TMEM132C: variants seen among roughly 807,000 people sequenced by gnomAD.
TMEM132C encodes the protein protein phosphatase 1, regulatory subunit 152.
A neutral mutation model predicts 61.4 loss-of-function variants in TMEM132C; 29 were observed. The observed-to-expected ratio is 0.47, with a 90% CI of 0.35 to 0.64. The LOEUF (loss-of-function observed/expected upper bound fraction) is 0.64. TMEM132C is among the 30% of genes least tolerant of loss of function. The pLI is 0.00. For missense variants in TMEM132C, 1,408 were observed against 1,476.9 expected, an observed-to-expected ratio of 0.95 and a Z score of 0.76; for synonymous variants, 656 against 633.1, an observed-to-expected ratio of 1.04 and a Z score of -0.54.
chr12:128,655,061 A>G (rs533254637), intron 4 of TMEM132C, among the ~76,000 whole-genome samples: 55 of 152,172 alleles, frequency 3.6e-4, no homozygotes, highest in Non-Finnish European at 5.4e-4. Context: ...TACTTTCGGC[A>G]TCTCCTCAAG....
chr12:128,382,900 CTG>C (rs1056489115), intron 1 of TMEM132C, among the ~76,000 whole-genome samples: 2 of 151,422 alleles, frequency 1.3e-5, no homozygotes, highest in Admixed American at 1.3e-4. Context: ...ATATATGTAT[CTG>C]TGTATGTGTG....
chr12:128,513,952 A>T (rs1653530179), intron 2 of TMEM132C, among the ~76,000 whole-genome samples: 1 of 152,142 alleles, frequency 6.6e-6, no homozygotes, highest in Admixed American at 6.5e-5. Context: ...AACAAGACAG[A>T]CCGTAGGGAG....
At chr12:128,541,801 C>T (rs1443835264) in intron 2 of TMEM132C, among the ~76,000 whole-genome samples, 1 of 152,126 alleles carries the variant, frequency 6.6e-6, no homozygotes, top group Non-Finnish European at 1.5e-5. Flanking sequence ...ATGCCTGTTG[C>T]ATTTTGGTCT....
At chr12:128,530,299 T>C (rs77398166) in intron 2 of TMEM132C, among the ~76,000 whole-genome samples, 4,595 of 152,268 alleles carry the variant, frequency 0.03, 247 homozygotes, top group African/African-American at 0.1. Context: ...GGTCAGTGTT[T>C]AACATCTTGC....
In TMEM132C at chr12:128,669,434, C is replaced by T. The variant is rs753102735; in HGVS notation, c.1323C>T (p.Asn441=). The T allele has an allele frequency of 1.0e-4, 155 of 1,551,358 alleles. 1 individual carries two copies. The Admixed American group carries it at 2.9e-3, about 29-fold the overall frequency. The change falls in exon 5 of 9, where the codon AAC becomes AAT. Residue 441 remains asparagine, a synonymous_variant. Coordinates refer to ENST00000435159, the MANE Select transcript of TMEM132C (RefSeq NM_001136103.3). The part of the protein sequence containing the change: ...VPLAMDTEIL[N]TAVLTGKTVA... ...TTTGGCAGGACACTGAAATTCTGAA[C>T]ACCGCCGTACTCACAGGAAAGACAG...
intron 1 of TMEM132C, among the ~76,000 whole-genome samples, chr12:128,391,064 A>T (rs930439374): frequency 6.6e-6 from 1 of 152,202 alleles, no homozygotes; most frequent in African/African-American, 2.4e-5. Flanking sequence ...GGCCAGCAAC[A>T]TCAGAACTGC....
chr12:128,572,357 C>T (rs546029378), intron 3 of TMEM132C, among the ~76,000 whole-genome samples: 3 of 148,078 alleles, frequency 2.0e-5, no homozygotes, highest in Non-Finnish European at 4.5e-5. Context: ...CACATGACTA[C>T]TTGTGGCCTC....
chr12:128,294,655 G>T (rs1001857868), intron 1 of TMEM132C, among the ~76,000 whole-genome samples: 1 of 143,010 alleles, frequency 7.0e-6, no homozygotes, highest in Non-Finnish European at 1.6e-5. Context: ...TCACTATCTG[G>T]TGAGAGCCGG....
At chr12:128,271,105 T>A (rs1592991773) in intron 1 of TMEM132C, among the ~76,000 whole-genome samples, 1 of 151,904 alleles carries the variant, frequency 6.6e-6, no homozygotes, top group East Asian at 1.9e-4. Context: ...AATACAAAAA[T>A]TAGCTGGGCG....
At chr12:128,530,589 A>G (rs565234092) in intron 2 of TMEM132C, among the ~76,000 whole-genome samples, 47 of 152,142 alleles carry the variant, frequency 3.1e-4, no homozygotes, top group African/African-American at 1.1e-3. Context: ...GATTACAAGC[A>G]TGTGCCACCA....
intron 1 of TMEM132C, among the ~76,000 whole-genome samples, chr12:128,268,200 C>T (rs545599883): frequency 1.4e-3 from 218 of 152,346 alleles, no homozygotes; most frequent in Non-Finnish European, 2.7e-3. Flanking sequence ...TCCTTCACCT[C>T]AGTGTCCTCT....
chr12:128,438,119 A>G (rs1869661931), intron 2 of TMEM132C: 1 of 152,226 alleles, frequency 6.6e-6, no homozygotes, highest in Admixed American at 6.5e-5. Flanking sequence ...GACAAGGCAC[A>G]GTAATATCAG....
chr12:128,427,287 G>A (rs905513441), intron 2 of TMEM132C, among the ~76,000 whole-genome samples: 1 of 152,058 alleles, frequency 6.6e-6, no homozygotes, highest in African/African-American at 2.4e-5. Flanking sequence ...AGTCTTTCCT[G>A]GAACCACCTT....
intron 1 of TMEM132C, among the ~76,000 whole-genome samples, chr12:128,362,915 T>C (rs989773128): frequency 6.6e-6 from 1 of 152,164 alleles, no homozygotes; most frequent in Non-Finnish European, 1.5e-5. Context: ...AAAGTGAACG[T>C]CTAGTGGGCT....
At chr12:128,348,056 C>G (rs1873227770) in intron 1 of TMEM132C, among the ~76,000 whole-genome samples, 1 of 152,202 alleles carries the variant, frequency 6.6e-6, no homozygotes, top group Non-Finnish European at 1.5e-5. Context: ...CAATATGCAT[C>G]TTCCAGTCCA....
chr12:128,697,793 A>G (rs1470745798), intron 8 of TMEM132C, among the ~76,000 whole-genome samples: 1 of 152,224 alleles, frequency 6.6e-6, no homozygotes, highest in South Asian at 2.1e-4. Flanking sequence ...CCCACACAAC[A>G]TAGCCCCTGG....
At chr12:128,433,162 G>A (rs1869451711) in intron 2 of TMEM132C, among the ~76,000 whole-genome samples, 1 of 151,974 alleles carries the variant, frequency 6.6e-6, no homozygotes, top group African/African-American at 2.4e-5. Flanking sequence ...CCTACAGTAA[G>A]GATAAACATA....
intron 1 of TMEM132C, among the ~76,000 whole-genome samples, chr12:128,378,399 A>G (rs1447268482): frequency 6.6e-6 from 1 of 150,718 alleles, no homozygotes; most frequent in African/African-American, 2.4e-5. Context: ...TACAGGCGTG[A>G]GCCACCACGC....
intron 2 of TMEM132C, among the ~76,000 whole-genome samples, chr12:128,492,811 C>T (rs573238659): frequency 6.6e-6 from 1 of 152,198 alleles, no homozygotes; most frequent in Non-Finnish European, 1.5e-5. Flanking sequence ...TGCCTGTTCA[C>T]TCTGATGGTA....
Sources: gnomAD v4.1 joint callset for allele counts (sites outside exome capture counted in the v4.1 genomes callset) on GRCh38, gnomAD v4.1.1 for gene constraint, MANE v1.5 for transcripts, NCBI Gene and HGNC (gene_info 2026-07-23, HGNC 2026-07-21) for gene names.